LRBA: variants seen among roughly 807,000 people sequenced by gnomAD.
LRBA encodes lipopolysaccharide-responsive and beige-like anchor protein.
A neutral mutation model predicts 330.0 loss-of-function variants in LRBA; 176 were observed. The ratio of observed to expected loss-of-function variants is 0.53; its 90% CI spans 0.47 to 0.60. LRBA has a LOEUF of 0.60. Ranked by LOEUF, LRBA falls within the 20% of genes least tolerant of loss-of-function variation. The probability of loss-of-function intolerance (pLI) is 0.00; values close to 1 mark genes in which losing one functional copy is unlikely to be tolerated. For missense variants in LRBA, 3,259 were observed against 3,444.8 expected, an observed-to-expected ratio of 0.95 and a Z score of 1.35; for synonymous variants, 1,230 against 1,193.0, an observed-to-expected ratio of 1.03 and a Z score of -0.64.
chr4:150,602,695 C>A (rs1374375709), intron 37 of LRBA, among the ~76,000 whole-genome samples: 1 of 152,266 alleles, frequency 6.6e-6, no homozygotes, highest in East Asian at 1.9e-4. Context: ...GTTCCCTACC[C>A]CGTCCCTTCC....
intron 37 of LRBA, among the ~76,000 whole-genome samples, chr4:150,670,374 A>G (rs1460797549): frequency 6.6e-6 from 1 of 152,228 alleles, no homozygotes; most frequent in African/African-American, 2.4e-5. Context: ...TCAATATTAT[A>G]ATGTTGCTCA....
At chr4:150,587,667 T>C (rs923365863) in intron 40 of LRBA, among the ~76,000 whole-genome samples, 10 of 152,150 alleles carry the variant, frequency 6.6e-5, no homozygotes, top group African/African-American at 2.2e-4. Flanking sequence ...GAGTGATATA[T>C]TGGCATCATA....
intron 47 of LRBA, among the ~76,000 whole-genome samples, chr4:150,398,958 C>T (rs920925706): frequency 6.6e-6 from 1 of 152,064 alleles, no homozygotes; most frequent in African/African-American, 2.4e-5. Flanking sequence ...AAATTCCATC[C>T]TATACTGCCA....
At chr4:150,507,187 A>G (rs1394135476) in intron 40 of LRBA, among the ~76,000 whole-genome samples, 2 of 151,822 alleles carry the variant, frequency 1.3e-5, no homozygotes, top group African/African-American at 4.8e-5. Flanking sequence ...CATCCCCATC[A>G]AGCTACCAAT....
chr4:150,264,828 T>A lies in LRBA; in HGVS notation c.*894A>T, dbSNP rs1745102305. The A allele has an allele frequency of 6.6e-6, 1 of 152,606 alleles. No homozygotes were observed. Among genetic ancestry groups the A allele is most frequent in the East Asian group, 1.9e-4 (1 of 5,196 alleles). The allele number at this position is 152,606 out of a possible 1,614,324, so 9.5% of individuals were successfully genotyped here. ...CAAAAGGAAGGTGGAGATGATAGTT[T>A]AATAACAAATAGTAAAACAGGTGTT... On this transcript the variant is annotated 3_prime_UTR_variant, in exon 57 of 57. Transcript: ENST00000651943.
intron 40 of LRBA, among the ~76,000 whole-genome samples, chr4:150,501,966 G>A (rs377721200): frequency 6.6e-6 from 1 of 152,164 alleles, no homozygotes; most frequent in Non-Finnish European, 1.5e-5. Flanking sequence ...ATAGAGAAAC[G>A]TAGTTAGAAC....
intron 2 of LRBA, among the ~76,000 whole-genome samples, chr4:150,997,837 G>A (rs1013864823): frequency 6.6e-6 from 1 of 151,794 alleles, no homozygotes; most frequent in Non-Finnish European, 1.5e-5. Context: ...CCGAGTAGCT[G>A]GGATTACAGG....
At chr4:150,469,826 C>G (rs1211323263) in intron 43 of LRBA, among the ~76,000 whole-genome samples, 2 of 152,138 alleles carry the variant, frequency 1.3e-5, no homozygotes, top group East Asian at 3.9e-4. Flanking sequence ...TTTCTTCTCT[C>G]CTCCTCTTAC....
chr4:150,806,285 A>G lies in LRBA; in HGVS notation c.5504T>C (p.Leu1835Pro). Reference sequence around the variant, plus strand: ...AAACCACTTACTTGTTCCTTCTATAAGCAGTTCTTGTCCATGGCTACCCAA... The same window carrying G: ...AAACCACTTACTTGTTCCTTCTATAGGCAGTTCTTGTCCATGGCTACCCAA... ...TLLGSHGQEL[L>P]IEGTSLVCMK... Residue 1835 changes from leucine (L) to proline (P), a missense_variant, in exon 33 of 57, where the codon CTT becomes CCT. By Grantham distance (98) the Leu-to-Pro change is moderately conservative. Transcript: ENST00000651943. 6.3e-7 allele frequency: 1 copy of G among 1,590,460 alleles called. No homozygotes were observed. Among genetic ancestry groups the G allele is most frequent in the East Asian group, 2.3e-5 (1 of 43,636 alleles).
intron 44 of LRBA, among the ~76,000 whole-genome samples, chr4:150,465,766 G>T (rs1291374271): frequency 6.6e-6 from 1 of 151,870 alleles, no homozygotes; most frequent in East Asian, 1.9e-4. Flanking sequence ...CATGAATAAG[G>T]CTTTCCTCTG....
At chr4:150,773,529 T>A (rs1347658756) in intron 34 of LRBA, among the ~76,000 whole-genome samples, 2 of 152,246 alleles carry the variant, frequency 1.3e-5, no homozygotes, top group East Asian at 3.8e-4. Context: ...GTCTTCTGCA[T>A]AGGCCAAATA....
intron 17 of LRBA, among the ~76,000 whole-genome samples, chr4:150,886,714 AAAC>A (rs1728978399): frequency 6.6e-6 from 1 of 152,170 alleles, no homozygotes; most frequent in African/African-American, 2.4e-5. Flanking sequence ...TCTATTTGCT[AAAC>A]AACAACAACA....
intron 40 of LRBA, among the ~76,000 whole-genome samples, chr4:150,586,649 C>T (rs887993638): frequency 1.3e-5 from 2 of 152,080 alleles, no homozygotes; most frequent in East Asian, 1.9e-4. Flanking sequence ...TTTAATGATG[C>T]TGTACAGAAT....
intron 47 of LRBA, among the ~76,000 whole-genome samples, chr4:150,390,266 C>T (rs1472903657): frequency 6.6e-6 from 1 of 152,152 alleles, no homozygotes; most frequent in African/African-American, 2.4e-5. Context: ...ACTTTTCCAG[C>T]CTAAGCCATC....
chr4:150,854,464 G>A (rs971054907), intron 22 of LRBA, among the ~76,000 whole-genome samples: 2 of 152,180 alleles, frequency 1.3e-5, no homozygotes, highest in African/African-American at 2.4e-5. Context: ...ATCGGTAGCA[G>A]GCCAGGCATT....
At chr4:150,283,594 C>CT (rs924016237) in intron 54 of LRBA, among the ~76,000 whole-genome samples, 3 of 152,170 alleles carry the variant, frequency 2.0e-5, no homozygotes, top group African/African-American at 7.2e-5. Flanking sequence ...AAAAATAAGG[C>CT]TTTTAGCTCT....
chr4:150,569,405 T>C (rs895707535), intron 40 of LRBA, among the ~76,000 whole-genome samples: 2 of 152,190 alleles, frequency 1.3e-5, no homozygotes, highest in Non-Finnish European at 2.9e-5. Context: ...TTGCTTTACA[T>C]TGTCCAAACA....
At chr4:150,538,346 T>C (rs1435416666) in intron 40 of LRBA, among the ~76,000 whole-genome samples, 2 of 152,176 alleles carry the variant, frequency 1.3e-5, no homozygotes, top group Admixed American at 6.5e-5. Flanking sequence ...GGTATGTTTA[T>C]TGCAGTACTA....
chr4:150,620,561 C>T (rs996703156), intron 37 of LRBA, among the ~76,000 whole-genome samples: 2 of 152,120 alleles, frequency 1.3e-5, no homozygotes, highest in African/African-American at 4.8e-5. Context: ...AACCTAAGTG[C>T]CCATCGAACA....
Sources: gnomAD v4.1 joint callset for allele counts (sites outside exome capture counted in the v4.1 genomes callset) on GRCh38, gnomAD v4.1.1 for gene constraint, MANE v1.5 for transcripts, NCBI Gene and HGNC (gene_info 2026-07-23, HGNC 2026-07-21) for gene names.